Variants in TET1 observed in about 807,000 individuals in gnomAD.
TET1 encodes the protein tet methylcytosine dioxygenase 1.
In TET1, 13 loss-of-function variants were observed where a neutral mutation model predicts 148.7. That is an observed-to-expected ratio of 0.09 (90% CI 0.06 to 0.14). TET1 has a LOEUF of 0.14. Among genes scored for constraint, TET1 ranks in the 10% least tolerant of loss-of-function variants. The probability of loss-of-function intolerance (pLI) is 1.00; values close to 1 mark genes in which losing one functional copy is unlikely to be tolerated. For synonymous variants in TET1, 907 were observed against 937.2 expected (o/e 0.97, Z 0.59); for missense variants, 2,182 against 2,553.8 (o/e 0.85, Z 3.14).
chr10:68,572,230 G>A lies in TET1; in HGVS notation c.-109G>A. On this transcript the variant is annotated 5_prime_UTR_variant, in exon 2 of 12. The change creates a new upstream start codon in the 5' untranslated region. Transcript: ENST00000373644. ...TTGTTATTTCAGACCAAAACCTTGT[G>A]TGACTGAGCTGAAGAGCAGTGCATC... is the stretch of plus-strand genomic sequence containing the variant. The A allele has an allele frequency of 5.4e-6, 5 of 918,018 alleles. No individual in the cohort carries two copies. The highest frequency in any genetic ancestry group is 5.9e-5 in the Admixed American group (2 of 33,730). The allele number at this position is 918,018 out of a possible 1,614,324, so 56.9% of individuals were successfully genotyped here.
At chr10:68,615,166 C>T (rs1236443348) in intron 3 of TET1, among the ~76,000 whole-genome samples, 1 of 151,364 alleles carries the variant, frequency 6.6e-6, no homozygotes, top group Non-Finnish European at 1.5e-5. Flanking sequence ...CTCCTGACCT[C>T]GTGATCCACC....
At chr10:68,688,940 A>G (rs1311671627) in intron 11 of TET1, among the ~76,000 whole-genome samples, 1 of 152,220 alleles carries the variant, frequency 6.6e-6, no homozygotes, top group Non-Finnish European at 1.5e-5. Flanking sequence ...TTGTTTTTAT[A>G]ACATGAGCAG....
Position 68,572,683 on chromosome 10 carries a change from C to T in TET1, c.345C>T (p.Leu115=). Residue 115 remains leucine, a synonymous_variant, in exon 2 of 12, where the codon CTC becomes CTT. Transcript: ENST00000373644. ...ALRSTSLSRR[L]SQPPLVVAKS... ...GAAGCACCTCTCTTAGCAGGCGACT[C>T]TCCCAACCCCCACTGGTCGTAGCCA... 1 of 1,614,146 alleles carries T rather than the reference C, an allele frequency of 6.2e-7. No homozygotes were observed. Among genetic ancestry groups the T allele is most frequent in the South Asian group, 1.1e-5 (1 of 91,076 alleles).
At chr10:68,614,688 G>A (rs2054263290) in intron 3 of TET1, among the ~76,000 whole-genome samples, 1 of 152,042 alleles carries the variant, frequency 6.6e-6, no homozygotes, top group African/African-American at 2.4e-5. Flanking sequence ...CCACCTCCTG[G>A]GTTCAAGCAG....
intron 7 of TET1, among the ~76,000 whole-genome samples, chr10:68,667,529 G>A (rs1428959642): frequency 6.6e-6 from 1 of 152,164 alleles, no homozygotes; most frequent in Non-Finnish European, 1.5e-5. Context: ...GCCGAGGCAG[G>A]AGGATCATGA....
chr10:68,622,604 A>G (rs1336874274), intron 3 of TET1, among the ~76,000 whole-genome samples: 1 of 151,744 alleles, frequency 6.6e-6, no homozygotes, highest in African/African-American at 2.4e-5. Context: ...TTGATCTCCA[A>G]CACAGTTCCA....
intron 10 of TET1, among the ~76,000 whole-genome samples, 163 bp downstream of exon 10, chr10:68,683,136 G>A (rs887806220): frequency 5.3e-5 from 8 of 152,144 alleles, no homozygotes; most frequent in African/African-American, 9.7e-5. Flanking sequence ...AGTGTGTAGT[G>A]CAGGTCTTCA....
At chr10:68,669,156 G>A (rs762675598) in intron 7 of TET1, among the ~76,000 whole-genome samples, 7 of 152,098 alleles carry the variant, frequency 4.6e-5, no homozygotes, top group Non-Finnish European at 1.0e-4. Flanking sequence ...GAGGAGGGAG[G>A]ATGGCTTGAG....
intron 2 of TET1, among the ~76,000 whole-genome samples, chr10:68,596,027 C>CACACACACAT (rs71470531): frequency 2.6e-4 from 16 of 61,754 alleles, no homozygotes; most frequent in South Asian, 6.6e-4. Context: ...CACACACACA[C>CACACACACAT]ATATATATAT....
chr10:68,659,688 T>A (rs1472856786), intron 6 of TET1, among the ~76,000 whole-genome samples: 1 of 152,212 alleles, frequency 6.6e-6, no homozygotes, highest in Non-Finnish European at 1.5e-5. Context: ...TTAGTACTCT[T>A]TTTATGTTAG....
chr10:68,681,710 TAATCCC>T (rs1227851814), intron 9 of TET1, among the ~76,000 whole-genome samples: 1 of 152,144 alleles, frequency 6.6e-6, no homozygotes, highest in East Asian at 1.9e-4. Flanking sequence ...CTCACGCCTG[TAATCCC>T]AGAACTTTGG....
intron 2 of TET1, among the ~76,000 whole-genome samples, chr10:68,590,295 G>GTT (rs1554931917): frequency 1.3e-5 from 2 of 151,418 alleles, no homozygotes; most frequent in Non-Finnish European, 2.9e-5. Context: ...TTGTTTGTTT[G>GTT]TTTGTTTTTG....
chr10:68,661,222 G>A (rs867347173), intron 6 of TET1, among the ~76,000 whole-genome samples: 1 of 36,154 alleles, frequency 2.8e-5, no homozygotes, highest in East Asian at 8.9e-4. Flanking sequence ...TTTTTTTTTT[G>A]TAGTTTTAGT....
intron 1 of TET1, among the ~76,000 whole-genome samples, chr10:68,562,974 C>T (rs1327915842): frequency 6.6e-6 from 1 of 151,236 alleles, no homozygotes; most frequent in Admixed American, 6.6e-5. Context: ...TTTTACTATA[C>T]ATTTCTTCCC....
chr10:68,560,864 T>G (rs2053543737), intron 1 of TET1, 122 bp downstream of exon 1: 1 of 152,352 alleles, frequency 6.6e-6, no homozygotes. Context: ...CTCTGCGTCC[T>G]TGGCTCTCCC....
intron 3 of TET1, among the ~76,000 whole-genome samples, chr10:68,625,666 T>C: frequency 6.6e-6 from 1 of 152,206 alleles, no homozygotes; most frequent in East Asian, 1.9e-4. Flanking sequence ...CCTTCCTTAA[T>C]TGTATGATTT....
rs2055621525 is a variant in TET1, at chr10:68,693,715, TA to T, written c.*1904del. 1 of 231,606 alleles carries T rather than the reference TA, an allele frequency of 4.3e-6. No individual in the cohort carries two copies. Among genetic ancestry groups the T allele is most frequent in the Admixed American group, 5.6e-5 (1 of 17,718 alleles). The allele number at this position is 231,606 out of a possible 1,614,324, so 14.3% of individuals were successfully genotyped here. On this transcript the variant is annotated 3_prime_UTR_variant, in exon 12 of 12. Transcript: ENST00000373644. ...GGTTTCTTATATACATATAAGTATATAAATAAGTGATTGTTTATTGCTTCAG... is the reference window on the plus strand; with the variant it reads ...GGTTTCTTATATACATATAAGTATATAATAAGTGATTGTTTATTGCTTCAG...
chr10:68,626,131 T>C (rs1405978729), intron 3 of TET1, among the ~76,000 whole-genome samples: 2 of 50,910 alleles, frequency 3.9e-5, no homozygotes. Flanking sequence ...GAAAAGAAAA[T>C]ACTTAAAGGG....
intron 7 of TET1, among the ~76,000 whole-genome samples, chr10:68,671,673 A>G (rs2055274085): frequency 6.6e-6 from 1 of 152,278 alleles, no homozygotes. Context: ...GAAATGCCCT[A>G]AAAGTTATAC....
Sources: allele counts gnomAD v4.1 joint callset (sites outside exome capture counted in the v4.1 genomes callset), GRCh38; gene constraint gnomAD v4.1.1; transcripts MANE v1.5; gene names NCBI Gene and HGNC (gene_info 2026-07-23, HGNC 2026-07-21).